CLCN4: variants seen among roughly 807,000 people sequenced by gnomAD.
CLCN4 encodes the protein Cl-/H+ antiporter 4.
In CLCN4, 1 loss-of-function variant was observed where a neutral mutation model predicts 41.7. The observed-to-expected ratio is 0.02, with a 90% confidence interval of 0.01 to 0.11. The LOEUF is 0.11. CLCN4 is among the 10% of genes least tolerant of loss of function. CLCN4 has a pLI of 1.00. For missense variants in CLCN4, 287 were observed against 661.0 expected, an observed-to-expected ratio of 0.43 and a Z score of 6.20; for synonymous variants, 277 against 285.8, an observed-to-expected ratio of 0.97 and a Z score of 0.31.
At chrX:10,196,800 T>C (rs1461009975) in intron 5 of CLCN4, among the ~76,000 whole-genome samples, 1 of 111,958 alleles carries the variant, frequency 8.9e-6, no homozygotes, top group African/African-American at 3.3e-5. Flanking sequence ...CTACTTGCAA[T>C]GTGTGTTTTG....
At chrX:10,200,418 T>C (rs1177544612) in intron 6 of CLCN4, among the ~76,000 whole-genome samples, 1 of 112,467 alleles carries the variant, frequency 8.9e-6, no homozygotes, top group Non-Finnish European at 1.9e-5. Context: ...TGCCCAACAG[T>C]AGGCATTTTT....
intron 12 of CLCN4, among the ~76,000 whole-genome samples, chrX:10,229,732 T>C (rs745721071): frequency 1.6e-4 from 18 of 111,846 alleles, no homozygotes; most frequent in African/African-American, 5.8e-4. Flanking sequence ...ACTCATCCTT[T>C]TTTATGGCTG....
rs1252930121 is a variant in CLCN4, at chrX:10,235,382, GC to G, written c.*1799del. On this transcript the variant is annotated 3_prime_UTR_variant, in exon 13 of 13. Transcript: ENST00000380833. ...ACTAGTGTGGGAAGGAAAATATTGA[GC>G]TAGGCACATTACTCTCTGAACGAAA... 8.9e-6 allele frequency: 1 copy of G among 112,053 alleles called. No individual in the cohort carries two copies. Among genetic ancestry groups the G allele is most frequent in the African/African-American group, 3.3e-5 (1 of 30,711 alleles). 9.2% of individuals were successfully genotyped at this position (112,053 alleles called of 1,213,427 possible). A position where few individuals can be genotyped will look rare whatever the true frequency, so the allele number is the denominator to read the frequency against.
chrX:10,213,277 G>A lies in CLCN4; in HGVS notation c.1577-404G>A, dbSNP rs1239002147. ...CGCTTCTCCACCTAATCATTCAGGG[G>A]CACAAAGGTGGGTCTGTCCCCTGTC... is the stretch of plus-strand genomic sequence containing the variant. On this transcript the variant is annotated intron_variant, in intron 10 of 12. Coordinates refer to ENST00000380833, the MANE Select transcript of CLCN4 (RefSeq NM_001830.4). Among the ~76,000 whole-genome samples the A allele has an allele frequency of 2.7e-5, 3 of 111,984 alleles. No homozygotes were observed. The Admixed American group carries it at 2.8e-4, about 11-fold the overall frequency.
chrX:10,207,482 C>T (rs775208595), intron 8 of CLCN4, among the ~76,000 whole-genome samples: 27 of 112,357 alleles, frequency 2.4e-4, no homozygotes, highest in Middle Eastern at 4.2e-3. Context: ...GTGAACAATA[C>T]GTACACAAAT....
intron 2 of CLCN4, among the ~76,000 whole-genome samples, chrX:10,180,494 G>A (rs1051244334): frequency 1.8e-5 from 2 of 111,405 alleles, no homozygotes; most frequent in African/African-American, 6.5e-5. Flanking sequence ...CTGGCCGGGC[G>A]CAGTGGCTCA....
At position 10,220,753 on chromosome X, in the gene CLCN4, C is replaced by T. The variant is rs1168144750; in HGVS notation, c.2068C>T (p.Pro690Ser). 8.3e-7 allele frequency: 1 copy of T among 1,211,579 alleles called. No homozygotes were observed. Among genetic ancestry groups the T allele is most frequent in the South Asian group, 1.8e-5 (1 of 56,993 alleles). The change falls in exon 12 of 13, where the codon CCC becomes TCC. Residue 690 changes from proline to serine, a missense_variant. Coordinates refer to ENST00000380833, the MANE Select transcript of CLCN4 (RefSeq NM_001830.4). ...PPELPANSPH[P>S]LKLRRILNLS... is the part of the protein sequence containing the mutation. The stretch of plus-strand genomic sequence containing the variant: ...CGAGCTGCCGGCCAACAGCCCACAT[C>T]CCCTGAAGCTGCGGCGCATCCTGAA...
chrX:10,187,013 G>A (rs771243598), intron 3 of CLCN4, among the ~76,000 whole-genome samples: 5 of 112,064 alleles, frequency 4.5e-5, no homozygotes. Context: ...ACAGGGAGGT[G>A]TGTGTAGGTA....
intron 4 of CLCN4, among the ~76,000 whole-genome samples, chrX:10,190,277 G>A (rs1281170896): frequency 9.0e-6 from 1 of 111,708 alleles, no homozygotes; most frequent in Non-Finnish European, 1.9e-5. Flanking sequence ...TTGGTGCGAA[G>A]GTAATTGTGG....
intron 9 of CLCN4, among the ~76,000 whole-genome samples, chrX:10,209,537 T>A (rs755267694): frequency 6.4e-5 from 7 of 109,231 alleles, no homozygotes; most frequent in African/African-American, 1.3e-4. Flanking sequence ...TTTAAAAAAA[T>A]TTTTTGTACA....
intron 6 of CLCN4, among the ~76,000 whole-genome samples, chrX:10,205,472 C>CAAAA (rs758694004): frequency 1.9e-5 from 1 of 52,999 alleles, no homozygotes. Context: ...GACTCCATCT[C>CAAAA]AAAAAAAAAA....
intron 9 of CLCN4, 42 bp from the exon 10 acceptor site, chrX:10,212,425 G>T (rs1229808674): frequency 1.7e-6 from 2 of 1,165,833 alleles, no homozygotes; most frequent in East Asian, 3.0e-5. Flanking sequence ...GCGGGGACTT[G>T]GTCTTTTTCC....
intron 2 of CLCN4, among the ~76,000 whole-genome samples, chrX:10,165,796 C>G (rs1923234936): frequency 8.9e-6 from 1 of 112,108 alleles, no homozygotes. Context: ...TTCCTCTTAG[C>G]TTAGTCACGC....
At chrX:10,232,782 A>C (rs951155265) in intron 12 of CLCN4, among the ~76,000 whole-genome samples, 1 of 109,246 alleles carries the variant, frequency 9.2e-6, no homozygotes, top group Non-Finnish European at 1.9e-5. Context: ...TGTGATATAC[A>C]GTCTTGGTGG....
intron 2 of CLCN4, among the ~76,000 whole-genome samples, chrX:10,164,579 A>C (rs1923196225): frequency 8.9e-6 from 1 of 112,157 alleles, no homozygotes; most frequent in Non-Finnish European, 1.9e-5. Flanking sequence ...GCTGGAGGCC[A>C]GATGGGGAGT....
rs150240935 is a variant in CLCN4, at chrX:10,212,472, G to A, written c.1395G>A (p.Pro465=). 3.7e-4 allele frequency: 442 copies of A among 1,209,262 alleles called. No individual in the cohort carries two copies. Among genetic ancestry groups the A allele is most frequent in the Non-Finnish European group, 4.8e-4 (431 of 894,667 alleles). Residue 465 remains proline (P), a synonymous_variant, in exon 10 of 13, where the codon CCG becomes CCA. Coordinates refer to ENST00000380833, the MANE Select transcript of CLCN4 (RefSeq NM_001830.4). ...TTTCTCTGTGTCTCCTCAAGATCCC[G>A]TCGGGCCTCTTCATCCCCAGCATGG... ...VTIFTFGMKI[P]SGLFIPSMAV... is the part of the protein sequence containing the mutation.
At chrX:10,195,193 C>T in intron 5 of CLCN4, 95 bp downstream of exon 5, 1 of 852,408 alleles carries the variant, frequency 1.2e-6, no homozygotes, top group Admixed American at 2.5e-5. Flanking sequence ...TGTGATTTCA[C>T]CTTCAAGTGC....
At chrX:10,211,278 A>AAAG (rs1400865401) in intron 9 of CLCN4, among the ~76,000 whole-genome samples, 2 of 106,619 alleles carry the variant, frequency 1.9e-5, no homozygotes, top group African/African-American at 6.7e-5. Flanking sequence ...AAAAAAAAAA[A>AAAG]AAAAAAAAAA....
intron 3 of CLCN4, among the ~76,000 whole-genome samples, chrX:10,186,898 C>T (rs1923827895): frequency 1.8e-5 from 2 of 111,851 alleles, no homozygotes; most frequent in South Asian, 7.4e-4. Flanking sequence ...CCCGCAAAGC[C>T]CAAAATATTT....
Sources: allele counts gnomAD v4.1 joint callset (sites outside exome capture counted in the v4.1 genomes callset), GRCh38; gene constraint gnomAD v4.1.1; transcripts MANE v1.5; gene names NCBI Gene and HGNC (gene_info 2026-07-23, HGNC 2026-07-21).